ZDHHC1: variants seen among roughly 807,000 people sequenced by gnomAD.
The protein encoded by ZDHHC1 is palmitoyltransferase ZDHHC1.
Under a neutral mutation model 46.9 loss-of-function variants are expected in ZDHHC1, and 45 were observed. That is an observed-to-expected ratio of 0.96 (90% confidence interval 0.76 to 1.23). ZDHHC1 has a LOEUF of 1.23. ZDHHC1 is among the 50% of genes most tolerant of loss of function. The probability of loss-of-function intolerance (pLI) is 0.00; values close to 1 mark genes in which losing one functional copy is unlikely to be tolerated. For synonymous variants in ZDHHC1, 291 were observed against 286.0 expected (o/e 1.02, Z -0.18); for missense variants, 649 against 670.8 (o/e 0.97, Z 0.36).
chr16:67,401,166 G>T lies in ZDHHC1; in HGVS notation c.253-34C>A. The T allele has an allele frequency of 6.2e-7, 1 of 1,607,760 alleles. No homozygotes were observed. Among genetic ancestry groups the T allele is most frequent in the Non-Finnish European group, 8.5e-7 (1 of 1,177,534 alleles). On this transcript the variant is annotated intron_variant, in intron 3 of 11. Transcript: ENST00000565726. The surrounding 1 kb of genome is among the most constrained non-coding windows in gnomAD (Gnocchi z 4.6). ...GCAGGTTAAAGACTCACTCCACTCTGCCGGCTGGGAGTCCTGCCCCGTTCC... is the reference window on the plus strand; with the variant it reads ...GCAGGTTAAAGACTCACTCCACTCTTCCGGCTGGGAGTCCTGCCCCGTTCC...
chr16:67,403,615 GTTTTTTT>G (rs549234682), intron 3 of ZDHHC1, among the ~76,000 whole-genome samples: 1 of 143,788 alleles, frequency 7.0e-6, no homozygotes. Context: ...TTTGTTTTTT[GTTTTTTT>G]TTTTTGAGAC....
chr16:67,399,390 C>G lies in ZDHHC1; in HGVS notation c.495G>C (p.Lys165Asn). 1 of 1,613,324 alleles carries G rather than the reference C, an allele frequency of 6.2e-7. No individual in the cohort carries two copies. The highest frequency in any genetic ancestry group is 8.5e-7 in the Non-Finnish European group (1 of 1,179,848). Residue 165 changes from lysine to asparagine, a missense_variant, in exon 5 of 12, where the codon AAG becomes AAC. Lys to Asn is a moderately conservative substitution (Grantham distance 94). Transcript: ENST00000565726. ...KCVCGFDHHC[K>N]WLNNCVGERN... ...GCTCGCCCACACAGTTGTTGAGCCA[C>G]TTGCAGTGGTGGTCGAAACCGCACA...
rs57605287 is a variant in ZDHHC1 at position 67,416,378 on chromosome 16, T to TGGCTCC, written c.-252_-247dup. The stretch of plus-strand genomic sequence containing the variant: ...CCGGTGAGTCCTCGAGCTCTGGCTC[T>TGGCTCC]GGCTCCGGCTCCGGCTCCGGCTCCG... On this transcript the variant is annotated 5_prime_UTR_variant, in exon 1 of 12. Transcript: ENST00000565726. 26,102 of 202,736 alleles carry TGGCTCC rather than the reference T, an allele frequency of 0.13. 2,397 individuals are homozygous for TGGCTCC. Among genetic ancestry groups the TGGCTCC allele is most frequent in the Non-Finnish European group, 0.17 (17,212 of 98,416 alleles). 12.6% of individuals were successfully genotyped at this position (202,736 alleles called of 1,614,324 possible).
intron 3 of ZDHHC1, chr16:67,404,797 C>A: frequency 2.2e-6 from 1 of 446,518 alleles, no homozygotes; most frequent in Admixed American, 2.4e-5. Context: ...GTGGCTGACG[C>A]AGGGCCTGGC....
At chr16:67,411,931 G>C (rs918115798) in intron 1 of ZDHHC1, among the ~76,000 whole-genome samples, 7 of 152,220 alleles carry the variant, frequency 4.6e-5, no homozygotes, top group Admixed American at 2.0e-4. Context: ...TGGTCAACCT[G>C]GTGAAACCCC....
At position 67,401,046 on chromosome 16, in the gene ZDHHC1, CTT is replaced by C. The variant is rs1567518132; in HGVS notation, c.337_338del (p.Lys113GlufsTer19). On this transcript the variant is annotated frameshift_variant, in exon 4 of 12. Coordinates refer to ENST00000565726, the MANE Select transcript of ZDHHC1 (RefSeq NM_001323627.2). LOFTEE classifies it high-confidence loss of function. This position sits in a 1 kb window ranked among gnomAD's most constrained non-coding sequence, Gnocchi z 4.6. ...IDPADANVRD[K>X]SYAGPLPIFN... is the part of the protein sequence containing the mutation. ...AGATGGGCAGGGGCCCCGCATAGCTCTTGTCCCGCACGTTGGCATCTGCTGGA... is the reference window on the plus strand; with the variant it reads ...AGATGGGCAGGGGCCCCGCATAGCTCGTCCCGCACGTTGGCATCTGCTGGA... 1.9e-6 allele frequency: 3 copies of C among 1,614,176 alleles called. No homozygotes were observed. The highest frequency in any genetic ancestry group is 2.5e-6 in the Non-Finnish European group (3 of 1,180,036).
At chr16:67,412,216 C>T (rs2040758793) in intron 1 of ZDHHC1, among the ~76,000 whole-genome samples, 1 of 152,082 alleles carries the variant, frequency 6.6e-6, no homozygotes, top group Non-Finnish European at 1.5e-5. Flanking sequence ...ACAGGAGCAT[C>T]CCCTAGGAAT....
intron 1 of ZDHHC1, among the ~76,000 whole-genome samples, chr16:67,408,167 G>T (rs1410762709): frequency 1.4e-5 from 2 of 147,990 alleles, no homozygotes; most frequent in Non-Finnish European, 3.0e-5. Flanking sequence ...TGGGTTTAGG[G>T]TTTTTTTTTT....
At chr16:67,395,132 G>GGCTTC in intron 10 of ZDHHC1, 55 bp downstream of exon 10, 1 of 1,613,172 alleles carries the variant, frequency 6.2e-7, no homozygotes, top group Non-Finnish European at 8.5e-7. Flanking sequence ...CCAGGGTAGA[G>GGCTTC]GCTTCTTTCT....
chr16:67,399,365 G>A lies in ZDHHC1; in HGVS notation c.520C>T (p.Arg174Trp), dbSNP rs563832169. ...CKWLNNCVGE[R>W]NYRLFLHSVA... ...CCGGGCTGTCCTCACCGGTAGTTCC[G>A]CTCGCCCACACAGTTGTTGAGCCAC... Residue 174 changes from arginine (R) to tryptophan (W), a missense_variant, in exon 5 of 12, where the codon CGG becomes TGG. Arg to Trp is a moderately radical substitution (Grantham distance 101). Transcript: ENST00000565726. 3.1e-6 allele frequency: 5 copies of A among 1,612,698 alleles called. No homozygotes were observed. The African/African-American group carries it at 4.0e-5, about 13-fold the overall frequency.
intron 4 of ZDHHC1, 35 bp from the exon 5 acceptor site, chr16:67,399,491 C>T (rs1453363538): frequency 1.3e-6 from 2 of 1,565,202 alleles, no homozygotes; most frequent in East Asian, 2.3e-5. Context: ...GATTGGCCGG[C>T]TCATTCCCCG....
At chr16:67,397,524 CTGTT>C (rs987944379) in intron 8 of ZDHHC1, among the ~76,000 whole-genome samples, 5 of 152,156 alleles carry the variant, frequency 3.3e-5, no homozygotes, top group African/African-American at 1.2e-4. Context: ...CCACCAGCCT[CTGTT>C]TGTGTCCAGT....
chr16:67,395,182 C>T lies in ZDHHC1; in HGVS notation c.1104+5G>A. 2 of 1,612,842 alleles carry T rather than the reference C, an allele frequency of 1.2e-6. No individual in the cohort carries two copies. The highest frequency in any genetic ancestry group is 1.7e-6 in the Non-Finnish European group (2 of 1,179,910). ...GGACCGGAGGCCCAGCACAGTCCCT[C>T]CTACCTGGGGTCGGATCCGGGGAGG... On this transcript the variant is annotated splice_donor_5th_base_variant and intron_variant, in intron 10 of 11. Transcript: ENST00000565726.
intron 5 of ZDHHC1, 44 bp downstream of exon 5, chr16:67,399,309 TCA>T (rs1268208862): frequency 6.5e-7 from 1 of 1,531,066 alleles, no homozygotes; most frequent in South Asian, 1.2e-5. Context: ...GCTCCCACCC[TCA>T]GACAGTGCAT....
intron 1 of ZDHHC1, among the ~76,000 whole-genome samples, chr16:67,414,156 GT>G (rs2040796244): frequency 6.6e-6 from 1 of 152,146 alleles, no homozygotes; most frequent in Admixed American, 6.5e-5. Flanking sequence ...AGAGGCCAAG[GT>G]TATTGACTTT....
chr16:67,398,349 G>A (rs749966419), intron 7 of ZDHHC1, 25 bp from the exon 8 acceptor site: 4 of 1,604,688 alleles, frequency 2.5e-6, no homozygotes, highest in East Asian at 2.2e-5. Flanking sequence ...AGAGGGCTCA[G>A]TGCGGTGGAA....
intron 2 of ZDHHC1, among the ~76,000 whole-genome samples, chr16:67,407,468 C>G (rs982456342): frequency 5.9e-5 from 9 of 152,230 alleles, no homozygotes; most frequent in African/African-American, 2.2e-4. Flanking sequence ...GTGCCGCAGA[C>G]CCCGACTCAG....
At chr16:67,399,085 G>A in intron 5 of ZDHHC1, 141 bp from the exon 6 acceptor site, 1 of 1,262,420 alleles carries the variant, frequency 7.9e-7, no homozygotes, top group African/African-American at 1.5e-5. Context: ...GAAGCCAAAG[G>A]CATACGGCAA....
Position 67,399,489 on chromosome 16 carries a change from G to A in ZDHHC1, c.429-33C>T, listed in dbSNP as rs202074401. On this transcript the variant is annotated intron_variant, in intron 4 of 11. Transcript: ENST00000565726. ...GAGAGGGGGCACAGCGCGATTGGCC[G>A]GCTCATTCCCCGCTCTGCGGCCCGG... is the stretch of plus-strand genomic sequence containing the variant. The A allele has an allele frequency of 4.3e-5, 68 of 1,570,506 alleles. No homozygotes were observed. The East Asian group carries it at 1.5e-3, about 34-fold the overall frequency.
Sources: gnomAD v4.1 joint callset for allele counts (sites outside exome capture counted in the v4.1 genomes callset) on GRCh38, gnomAD v4.1.1 for gene constraint, Gnocchi (gnomAD v3.1) non-coding constraint, MANE v1.5 for transcripts, NCBI Gene and HGNC (gene_info 2026-07-23, HGNC 2026-07-21) for gene names.